The following CEP70 variants were observed in gnomAD, a reference collection of about 807,000 sequenced individuals.
The protein encoded by CEP70 is centrosomal protein 70, also known as centrosomal protein of 70 kDa.
CEP70 carries 70 observed loss-of-function variants against 90.9 expected under a neutral mutation model. The observed-to-expected ratio is 0.77, with a 90% CI of 0.64 to 0.94. The LOEUF (loss-of-function observed/expected upper bound fraction) is 0.94. Among genes scored for constraint, CEP70 ranks in the 40% least tolerant of loss-of-function variants. CEP70 has a pLI of 0.00. For synonymous variants in CEP70, 220 were observed against 228.3 expected (o/e 0.96, Z 0.33); for missense variants, 648 against 669.0 (o/e 0.97, Z 0.35).
intron 13 of CEP70, among the ~76,000 whole-genome samples, chr3:138,502,038 C>T (rs143383844): frequency 3.3e-5 from 5 of 152,266 alleles, no homozygotes; most frequent in African/African-American, 7.2e-5. Flanking sequence ...TTTAGAACAA[C>T]GCTGTCCAAA....
chr3:138,547,664 T>C (rs2107916340), intron 6 of CEP70, among the ~76,000 whole-genome samples: 1 of 152,300 alleles, frequency 6.6e-6, no homozygotes, highest in Admixed American at 6.5e-5. Context: ...CTTGGGCCTA[T>C]TATTAAGTAA....
chr3:138,497,539 G>A, intron 17 of CEP70: 1 of 966,154 alleles, frequency 1.0e-6, no homozygotes, highest in Non-Finnish European at 1.2e-6. Flanking sequence ...TACTAATGAA[G>A]CCCTCAATCT....
chr3:138,589,329 T>C (rs1198298562), intron 2 of CEP70, among the ~76,000 whole-genome samples: 1 of 151,986 alleles, frequency 6.6e-6, no homozygotes, highest in Non-Finnish European at 1.5e-5. Context: ...CACAGTGATA[T>C]ATTCTAATAT....
intron 2 of CEP70, among the ~76,000 whole-genome samples, chr3:138,581,694 CAAAAAAA>C (rs35064874): frequency 3.8e-5 from 3 of 79,356 alleles, no homozygotes; most frequent in African/African-American, 1.4e-4. Context: ...AAACTTGTCT[CAAAAAAA>C]AAAAAAAAAA....
intron 6 of CEP70, among the ~76,000 whole-genome samples, chr3:138,560,526 G>A (rs1042305297): frequency 4.6e-5 from 7 of 151,292 alleles, no homozygotes; most frequent in East Asian, 3.9e-4. Context: ...AGACAGAACC[G>A]TTTGCTCCCC....
chr3:138,592,711 T>C (rs1419228564), intron 1 of CEP70, among the ~76,000 whole-genome samples: 1 of 151,956 alleles, frequency 6.6e-6, no homozygotes, highest in African/African-American at 2.4e-5. Context: ...AAGCCCCTTG[T>C]AACATGCTCC....
intron 11 of CEP70, among the ~76,000 whole-genome samples, chr3:138,508,798 A>G (rs2035242959): frequency 6.6e-6 from 1 of 151,818 alleles, no homozygotes; most frequent in Admixed American, 6.6e-5. Context: ...CAGTGGCGCA[A>G]TCTCGGCTCA....
intron 6 of CEP70, among the ~76,000 whole-genome samples, chr3:138,552,768 T>C (rs2039715877): frequency 6.6e-6 from 1 of 151,886 alleles, no homozygotes; most frequent in Non-Finnish European, 1.5e-5. Flanking sequence ...CTCAAGGAAC[T>C]AGAGAAACAA....
chr3:138,517,363 C>A (rs1025999274), intron 11 of CEP70, among the ~76,000 whole-genome samples: 1 of 152,032 alleles, frequency 6.6e-6, no homozygotes, highest in Non-Finnish European at 1.5e-5. Flanking sequence ...CATAAGCTGA[C>A]ATGTAATAAA....
intron 11 of CEP70, among the ~76,000 whole-genome samples, chr3:138,513,677 C>T (rs181695025): frequency 1.3e-5 from 2 of 152,196 alleles, no homozygotes; most frequent in Admixed American, 6.5e-5. Flanking sequence ...CACTTTGACT[C>T]ATTGGCCTAA....
chr3:138,527,233 A>G (rs886393546), intron 10 of CEP70, among the ~76,000 whole-genome samples: 21 of 150,280 alleles, frequency 1.4e-4, no homozygotes, highest in African/African-American at 5.2e-4. Flanking sequence ...TGGTGTGATC[A>G]CAGCTCACTG....
At position 138,505,344 on chromosome 3, in the gene CEP70, T is replaced by C. The variant is rs2034885966; in HGVS notation, c.1172A>G (p.His391Arg). 6.2e-7 allele frequency: 1 copy of C among 1,612,774 alleles called. No homozygotes were observed. ...KDLVQDCGFEHLVPVIEMWAD... is the reference protein window; with the variant it reads ...KDLVQDCGFERLVPVIEMWAD... ...CCACATTTCTATTACAGGAACAAGA[T>C]GCTCAAATCCACAATCTTGAACAAG... The change falls in exon 13 of 18, where the codon CAT becomes CGT. Residue 391 changes from histidine (H) to arginine (R), a missense_variant. Physicochemically the swap from His to Arg is conservative, Grantham distance 29. Transcript: ENST00000264982.
chr3:138,517,304 A>G (rs1334681477), intron 11 of CEP70, among the ~76,000 whole-genome samples: 1 of 152,154 alleles, frequency 6.6e-6, no homozygotes, highest in Non-Finnish European at 1.5e-5. Context: ...TTTTAATGTC[A>G]TTTTCCCCAT....
intron 6 of CEP70, among the ~76,000 whole-genome samples, chr3:138,553,901 T>C (rs549968126): frequency 5.3e-5 from 8 of 152,116 alleles, no homozygotes; most frequent in East Asian, 1.9e-4. Context: ...AGAAAAAGCA[T>C]TTAACAAAAT....
chr3:138,522,157 G>C (rs1465601893), intron 11 of CEP70, among the ~76,000 whole-genome samples: 1 of 151,822 alleles, frequency 6.6e-6, no homozygotes, highest in Non-Finnish European at 1.5e-5. Flanking sequence ...AAGGCCGCAG[G>C]GTCCTCTGCC....
chr3:138,579,738 G>T (rs1051948034), intron 2 of CEP70, among the ~76,000 whole-genome samples: 14 of 152,000 alleles, frequency 9.2e-5, no homozygotes, highest in Admixed American at 5.2e-4. Flanking sequence ...TATGCCATGG[G>T]CATTGGGTGA....
intron 7 of CEP70, among the ~76,000 whole-genome samples, chr3:138,535,927 TTA>T (rs1386876817): frequency 2.0e-5 from 3 of 152,170 alleles, no homozygotes; most frequent in African/African-American, 7.2e-5. Context: ...TTATGTTTTT[TTA>T]TGTGTTTGTC....
intron 2 of CEP70, among the ~76,000 whole-genome samples, chr3:138,583,989 A>G (rs2041986851): frequency 6.6e-6 from 1 of 152,110 alleles, no homozygotes; most frequent in South Asian, 2.1e-4. Flanking sequence ...TAAAACAAAA[A>G]GTTGGTTTTT....
intron 17 of CEP70, chr3:138,495,908 C>T: frequency 1.0e-6 from 1 of 985,296 alleles, no homozygotes; most frequent in Non-Finnish European, 1.2e-6. Flanking sequence ...GTGTACAAAC[C>T]TCAAGTACAA....
Sources: allele counts gnomAD v4.1 joint callset (sites outside exome capture counted in the v4.1 genomes callset), GRCh38; gene constraint gnomAD v4.1.1; transcripts MANE v1.5; gene names NCBI Gene and HGNC (gene_info 2026-07-23, HGNC 2026-07-21).